The following USP9X variants were observed in gnomAD, a reference collection of about 807,000 sequenced individuals.
USP9X encodes the protein ubiquitin carboxyl-terminal hydrolase 9X.
In USP9X, 7 loss-of-function variants were observed where a neutral mutation model predicts 190.3. That is an observed-to-expected ratio of 0.04 (90% CI 0.02 to 0.07). The LOEUF (loss-of-function observed/expected upper bound fraction) is 0.07. Ranked by LOEUF, USP9X falls within the 10% of genes least tolerant of loss-of-function variation. The probability of loss-of-function intolerance (pLI) is 1.00; values close to 1 mark genes in which losing one functional copy is unlikely to be tolerated. For missense variants in USP9X, 1,010 were observed against 1,916.9 expected, an observed-to-expected ratio of 0.53 and a Z score of 8.83; for synonymous variants, 645 against 659.5, an observed-to-expected ratio of 0.98 and a Z score of 0.34.
At chrX:41,157,545 A>C (rs1292285591) in intron 14 of USP9X, among the ~76,000 whole-genome samples, 1 of 110,900 alleles carries the variant, frequency 9.0e-6, no homozygotes, top group Admixed American at 9.6e-5. Context: ...GAAATAGACT[A>C]TGAAGTCTAT....
intron 44 of USP9X, among the ~76,000 whole-genome samples, chrX:41,231,361 A>G (rs2063358159): frequency 8.9e-6 from 1 of 111,984 alleles, no homozygotes; most frequent in South Asian, 3.7e-4. Flanking sequence ...TCTTTCTTAC[A>G]TTTCACTGTG....
chrX:41,129,313 A>G (rs918734750), intron 3 of USP9X, among the ~76,000 whole-genome samples, 168 bp downstream of exon 3: 2 of 112,650 alleles, frequency 1.8e-5, no homozygotes, highest in African/African-American at 6.5e-5. Context: ...TTTCACATTA[A>G]TGATGATGAC....
At chrX:41,157,324 A>G (rs1470399005) in intron 14 of USP9X, among the ~76,000 whole-genome samples, 1 of 111,011 alleles carries the variant, frequency 9.0e-6, no homozygotes, top group Admixed American at 9.6e-5. Context: ...AAAAACATAA[A>G]CTTTCTGAGT....
rs927169927 is a variant in USP9X at position 41,172,575 on chromosome X, C to G, written c.3148+617C>G. Among the ~76,000 whole-genome samples, 3 of 111,068 alleles carry G rather than the reference C, an allele frequency of 2.7e-5. No homozygotes were observed. The East Asian group carries it at 8.4e-4, about 31-fold the overall frequency. Reference sequence around the variant, plus strand: ...AGATGAAAACTTAACTGTTACATACCCCCACATCCTCCCAGTATTTGCTTA... The same window carrying G: ...AGATGAAAACTTAACTGTTACATACGCCCACATCCTCCCAGTATTTGCTTA... On this transcript the variant is annotated intron_variant, in intron 21 of 44. Coordinates refer to ENST00000378308, the MANE Select transcript of USP9X (RefSeq NM_001039591.3).
chrX:41,149,027 A>AT (rs762719487), intron 12 of USP9X, among the ~76,000 whole-genome samples: 2 of 112,049 alleles, frequency 1.8e-5, no homozygotes, highest in Admixed American at 1.9e-4. Flanking sequence ...TGGCATGTGT[A>AT]TTTTTTAACA....
intron 1 of USP9X, among the ~76,000 whole-genome samples, chrX:41,100,236 A>G (rs1331549405): frequency 8.9e-6 from 1 of 112,025 alleles, no homozygotes; most frequent in East Asian, 2.8e-4. Context: ...AACACTTAAC[A>G]CCTGTGTGTG....
chrX:41,180,818 C>A (rs2062818487), intron 21 of USP9X, among the ~76,000 whole-genome samples: 1 of 112,050 alleles, frequency 8.9e-6, no homozygotes. Context: ...GAGTTTGTGT[C>A]TAAAACGTGG....
At chrX:41,167,433 C>G (rs73480436) in intron 16 of USP9X, 49 bp from the exon 17 acceptor site, 1 of 1,068,442 alleles carries the variant, frequency 9.4e-7, no homozygotes, top group Non-Finnish European at 1.3e-6. Flanking sequence ...AAATGCCCAA[C>G]AAAAATATAT....
intron 41 of USP9X, among the ~76,000 whole-genome samples, chrX:41,227,347 GA>G (rs1346342868): frequency 4.5e-5 from 5 of 111,644 alleles, no homozygotes; most frequent in African/African-American, 1.3e-4. Flanking sequence ...ATTGTTACTT[GA>G]AAAAACTGAA....
intron 20 of USP9X, 85 bp from the exon 21 acceptor site, chrX:41,171,753 A>T (rs1418100390): frequency 2.6e-5 from 28 of 1,058,488 alleles, no homozygotes; most frequent in Non-Finnish European, 3.4e-5. Flanking sequence ...AAGTATAGGG[A>T]TTAACACAGA....
At chrX:41,115,677 C>T (rs2062143269) in intron 1 of USP9X, among the ~76,000 whole-genome samples, 2 of 112,081 alleles carry the variant, frequency 1.8e-5, no homozygotes, top group South Asian at 7.3e-4. Flanking sequence ...CATATATTCT[C>T]CTATGATTAG....
intron 2 of USP9X, among the ~76,000 whole-genome samples, chrX:41,125,718 T>TCTCTCTCTCTCTCTCG (rs1176200100): frequency 3.0e-5 from 3 of 99,190 alleles, no homozygotes; most frequent in African/African-American, 8.2e-5. Context: ...TCTCTCTCTC[T>TCTCTCTCTCTCTCTCG]CGCGCACGCG....
intron 4 of USP9X, among the ~76,000 whole-genome samples, chrX:41,134,158 C>A (rs2062350355): frequency 8.9e-6 from 1 of 112,060 alleles, no homozygotes; most frequent in Non-Finnish European, 1.9e-5. Flanking sequence ...CTCTTTTGTA[C>A]TATCAATCAA....
intron 14 of USP9X, among the ~76,000 whole-genome samples, chrX:41,157,973 C>G (rs1215051659): frequency 9.0e-6 from 1 of 111,644 alleles, no homozygotes; most frequent in Non-Finnish European, 1.9e-5. Context: ...AGATTTTGTA[C>G]TTGAAAAGTA....
At chrX:41,145,247 A>G (rs1286793220) in intron 11 of USP9X, among the ~76,000 whole-genome samples, 1 of 111,936 alleles carries the variant, frequency 8.9e-6, no homozygotes, top group Non-Finnish European at 1.9e-5. Flanking sequence ...TTCTTGTTAA[A>G]AATAATAATT....
chrX:41,175,505 A>G (rs2062766475), intron 21 of USP9X, among the ~76,000 whole-genome samples: 1 of 110,555 alleles, frequency 9.0e-6, no homozygotes, highest in South Asian at 3.9e-4. Context: ...CCTGGGCAAC[A>G]GAACAAGACG....
At chrX:41,174,094 T>C (rs2062752324) in intron 21 of USP9X, among the ~76,000 whole-genome samples, 2 of 112,318 alleles carry the variant, frequency 1.8e-5, no homozygotes, top group African/African-American at 6.5e-5. Flanking sequence ...CAATAGGCTA[T>C]ACCATATATA....
chrX:41,201,954 G>C (rs2063045811), intron 31 of USP9X, among the ~76,000 whole-genome samples: 1 of 111,772 alleles, frequency 8.9e-6, no homozygotes, highest in South Asian at 3.7e-4. Context: ...CTAGGTGACA[G>C]AGCGAGACTC....
intron 6 of USP9X, among the ~76,000 whole-genome samples, chrX:41,139,945 C>A (rs1240110933): frequency 9.0e-6 from 1 of 111,599 alleles, no homozygotes; most frequent in Non-Finnish European, 1.9e-5. Flanking sequence ...ATTTATATAG[C>A]CTTTTAATTC....
Sources: gnomAD v4.1 joint callset for allele counts (sites outside exome capture counted in the v4.1 genomes callset) on GRCh38, gnomAD v4.1.1 for gene constraint, MANE v1.5 for transcripts, NCBI Gene and HGNC (gene_info 2026-07-23, HGNC 2026-07-21) for gene names.